The following MLH3 variants were observed in gnomAD, a reference collection of about 807,000 sequenced individuals.
MLH3 encodes mutL homolog 3.
MLH3 carries 82 observed loss-of-function variants against 122.2 expected under a neutral mutation model. The observed-to-expected ratio is 0.67, with a 90% CI of 0.56 to 0.81. The LOEUF (loss-of-function observed/expected upper bound fraction) is 0.81. MLH3 is among the 30% of genes least tolerant of loss of function. The probability of loss-of-function intolerance (pLI) is 0.00; values close to 1 mark genes in which losing one functional copy is unlikely to be tolerated. For missense variants in MLH3, 1,539 were observed against 1,714.5 expected, an observed-to-expected ratio of 0.90 and a Z score of 1.81; for synonymous variants, 524 against 599.5, an observed-to-expected ratio of 0.87 and a Z score of 1.84.
chr14:75,029,982 T>C (rs1330161536), intron 9 of MLH3, among the ~76,000 whole-genome samples: 2 of 114,276 alleles, frequency 1.8e-5, no homozygotes, highest in Non-Finnish European at 3.8e-5. Flanking sequence ...CCCCCATCTC[T>C]ACAAAAAAAA....
chr14:75,048,448 A>C lies in MLH3; in HGVS notation c.1208T>G (p.Met403Arg). 6.2e-7 allele frequency: 1 copy of C among 1,609,426 alleles called. No individual in the cohort carries two copies. Among genetic ancestry groups the C allele is most frequent in the Non-Finnish European group, 8.5e-7 (1 of 1,178,796 alleles). Reference sequence around the variant, plus strand: ...CACAGCTTTTGACTGCAAATTAAACATCTCATAGGAATCTAAAATATTATT... The same window carrying C: ...CACAGCTTTTGACTGCAAATTAAACCTCTCATAGGAATCTAAAATATTATT... ...ACNNILDSYE[M>R]FNLQSKAVKR... The change falls in exon 2 of 13, where the codon ATG (methionine) becomes AGG (arginine). Residue 403 changes from methionine to arginine, a missense_variant. Met to Arg is a moderately conservative substitution (Grantham distance 91). Transcript: ENST00000355774.
chr14:75,039,461 C>A (rs1891658931), intron 5 of MLH3, among the ~76,000 whole-genome samples: 1 of 152,130 alleles, frequency 6.6e-6, no homozygotes, highest in South Asian at 2.1e-4. Context: ...TGTGAAATGA[C>A]TTCTCAATAT....
In MLH3 at chr14:75,015,824, G is replaced by A. The variant is rs1387049465; in HGVS notation, c.*1258C>T. On this transcript the variant is annotated 3_prime_UTR_variant, in exon 13 of 13. Coordinates refer to ENST00000355774, the MANE Select transcript of MLH3 (RefSeq NM_001040108.2). Reference sequence around the variant, plus strand: ...CTGTAAGATTCACTTCAAGGCTGCTGGCAAAGGAACTTTTCTTCCATGAGC... The same window carrying A: ...CTGTAAGATTCACTTCAAGGCTGCTAGCAAAGGAACTTTTCTTCCATGAGC... The A allele has an allele frequency of 4.5e-6, 1 of 223,858 alleles. No individual in the cohort carries two copies. Among genetic ancestry groups the A allele is most frequent in the Non-Finnish European group, 8.9e-6 (1 of 112,194 alleles). 13.9% of individuals were successfully genotyped at this position (223,858 alleles called of 1,614,324 possible).
In MLH3 at chr14:75,015,483, A is replaced by T. The variant is rs1889837999; in HGVS notation, c.*1599T>A. On this transcript the variant is annotated 3_prime_UTR_variant, in exon 13 of 13. Coordinates refer to ENST00000355774, the MANE Select transcript of MLH3 (RefSeq NM_001040108.2). ...AAAAGATTTTTACAACTCCCAGGAC[A>T]GTTGGCCTCCATGCAGCCCTCAAGC... 1 of 182,046 alleles carries T rather than the reference A, an allele frequency of 5.5e-6. No individual in the cohort carries two copies. The highest frequency in any genetic ancestry group is 1.2e-5 in the Non-Finnish European group (1 of 85,498). 11.3% of individuals were successfully genotyped at this position (182,046 alleles called of 1,614,324 possible).
Position 75,051,457 on chromosome 14 carries a change from T to C in MLH3, c.-141A>G, listed in dbSNP as rs1448193400. The C allele has an allele frequency of 6.6e-6, 1 of 152,144 alleles. No individual in the cohort carries two copies. The highest frequency in any genetic ancestry group is 1.5e-5 in the Non-Finnish European group (1 of 68,010). The allele number at this position is 152,144 out of a possible 1,614,324, so 9.4% of individuals were successfully genotyped here. A position where few individuals can be genotyped will look rare whatever the true frequency, so the allele number is the denominator to read the frequency against. On this transcript the variant is annotated 5_prime_UTR_variant, in exon 1 of 13. Coordinates refer to ENST00000355774, the MANE Select transcript of MLH3 (RefSeq NM_001040108.2). ...CGCGCACCTTGGATCTTGAGGCTCG[T>C]GCGTGCCCACGAGCATGCGCTTCGG...
chr14:75,039,846 C>CATATATAT lies in MLH3; in HGVS notation c.3570+57_3570+64dup, dbSNP rs145063005. 5,455 of 318,888 alleles carry CATATATAT rather than the reference C, an allele frequency of 0.017. 254 individuals are homozygous for CATATATAT. Among genetic ancestry groups the CATATATAT allele is most frequent in the African/African-American group, 0.048 (1,331 of 27,832 alleles). The allele number at this position is 318,888 out of a possible 1,614,324, so 19.8% of individuals were successfully genotyped here. On this transcript the variant is annotated intron_variant, in intron 5 of 12. Coordinates refer to ENST00000355774, the MANE Select transcript of MLH3 (RefSeq NM_001040108.2). Reference sequence around the variant, plus strand: ...AAATCAAATTTTAGAAGAGTTAGGCCATATATATATATATATATATATATA... The same window carrying CATATATAT: ...AAATCAAATTTTAGAAGAGTTAGGCCATATATATATATATATATATATATATATATATA...
chr14:75,050,544 C>T (rs553541079), intron 1 of MLH3, among the ~76,000 whole-genome samples: 173 of 152,172 alleles, frequency 1.1e-3, no homozygotes, highest in African/African-American at 3.8e-3. Flanking sequence ...GGATTACAGG[C>T]GCTCGCCACC....
At chr14:75,039,310 C>A (rs1891645456) in intron 5 of MLH3, among the ~76,000 whole-genome samples, 1 of 152,114 alleles carries the variant, frequency 6.6e-6, no homozygotes, top group African/African-American at 2.4e-5. Flanking sequence ...TGCTCTGGTA[C>A]CAGGTCAATG....
In MLH3 at chr14:75,046,479, G is replaced by T; in HGVS notation, c.3177C>A (p.Asn1059Lys). The T allele has an allele frequency of 1.9e-6, 3 of 1,614,200 alleles. No individual in the cohort carries two copies. Among genetic ancestry groups the T allele is most frequent in the Non-Finnish European group, 2.5e-6 (3 of 1,180,026 alleles). ...TGAATGTGCTGAGTCCAGTCATTTT[G>T]TTGACATAAACCATTCTTCCCAGGG... ...DVALGRMVYV[N>K]KMTGLSTFIA... Residue 1059 changes from asparagine to lysine, a missense_variant, in exon 2 of 13, where the codon AAC becomes AAA. Physicochemically the swap from Asn to Lys is moderately conservative, Grantham distance 94. Transcript: ENST00000355774.
At position 75,047,289 on chromosome 14, in the gene MLH3, G is replaced by A. The variant is rs752651453; in HGVS notation, c.2367C>T (p.Asp789=). The part of the protein sequence containing the change: ...TTNLSLQVEP[D]ILLKDKNRLE... The stretch of plus-strand genomic sequence containing the variant: ...AGCGGTTCTTGTCCTTCAGCAGAAT[G>A]TCAGGTTCAACTTGAAGACTGAGAT... The change falls in exon 2 of 13, where the codon GAC becomes GAT. Residue 789 remains aspartate (D), a synonymous_variant. Transcript: ENST00000355774. 6.2e-7 allele frequency: 1 copy of A among 1,613,938 alleles called. No homozygotes were observed. Among genetic ancestry groups the A allele is most frequent in the South Asian group, 1.1e-5 (1 of 91,076 alleles).
intron 4 of MLH3, among the ~76,000 whole-genome samples, chr14:75,040,650 T>G (rs929225323): frequency 4.6e-5 from 7 of 152,134 alleles, no homozygotes; most frequent in Non-Finnish European, 8.8e-5. Context: ...AATGCTCATC[T>G]ATTATACACC....
chr14:75,042,089 C>T (rs1252789608), intron 3 of MLH3, among the ~76,000 whole-genome samples: 1 of 152,192 alleles, frequency 6.6e-6, no homozygotes, highest in Non-Finnish European at 1.5e-5. Flanking sequence ...ACTACAGCAA[C>T]TTGGAGTGCA....
chr14:75,040,015 C>T lies in MLH3; in HGVS notation c.3466G>A (p.Val1156Ile), dbSNP rs184741686. ...DNPVFARYPE[V>I]AVDVSSGQAE... ...TGGCCACTGCTTACATCAACAGCAA[C>T]CTAGAAAGACTCAGCAAAATATAAT... Residue 1156 changes from valine (V) to isoleucine (I), a missense_variant and splice_region_variant, in exon 5 of 13, where the codon GTT becomes ATT. Coordinates refer to ENST00000355774, the MANE Select transcript of MLH3 (RefSeq NM_001040108.2). 5.8e-5 allele frequency: 88 copies of T among 1,527,244 alleles called. No homozygotes were observed. The highest frequency in any genetic ancestry group is 6.4e-5 in the Non-Finnish European group (71 of 1,103,712). The allele number at this position is 1,527,244 out of a possible 1,614,324, so 94.6% of individuals were successfully genotyped here. A position where few individuals can be genotyped will look rare whatever the true frequency, so the allele number is the denominator to read the frequency against.
Position 75,014,165 on chromosome 14 carries a change from AG to A in MLH3, c.*2916del, listed in dbSNP as rs1889783358. 5.8e-6 allele frequency: 1 copy of A among 172,894 alleles called. No homozygotes were observed. Among genetic ancestry groups the A allele is most frequent in the Non-Finnish European group, 1.2e-5 (1 of 80,094 alleles). 10.7% of individuals were successfully genotyped at this position (172,894 alleles called of 1,614,324 possible). Reference sequence around the variant, plus strand: ...TGTCCTTACTTGGCGTGGCTTCCTCAGCCCCCTCCACATCTCAAGAACGTGG... The same window carrying A: ...TGTCCTTACTTGGCGTGGCTTCCTCACCCCCTCCACATCTCAAGAACGTGG... On this transcript the variant is annotated 3_prime_UTR_variant, in exon 13 of 13. Transcript: ENST00000355774.
chr14:75,039,604 A>C (rs1891666037), intron 5 of MLH3, among the ~76,000 whole-genome samples: 1 of 151,974 alleles, frequency 6.6e-6, no homozygotes, highest in Admixed American at 6.6e-5. Context: ...TCAATATATA[A>C]TCTTCTGCAG....
chr14:75,030,656 GA>G lies in MLH3; in HGVS notation c.3873del (p.Pro1292GlnfsTer32). ...NLEDLGLEFV[F>X]PDTSDSLVLV... is the part of the protein sequence containing the mutation. ...AGGACCAGAGAATCACTAGTGTCTG[GA>G]AATACAAATTCAAGGCCCAGATCTT... On this transcript the variant is annotated frameshift_variant, in exon 9 of 13. Transcript: ENST00000355774. LOFTEE classifies it high-confidence loss of function. 6.2e-7 allele frequency: 1 copy of G among 1,613,802 alleles called. No homozygotes were observed.
At position 75,047,747 on chromosome 14, in the gene MLH3, G is replaced by A. The variant is rs770613420; in HGVS notation, c.1909C>T (p.Arg637Cys). 8 of 1,613,976 alleles carry A rather than the reference G, an allele frequency of 5.0e-6. No homozygotes were observed. The highest frequency in any genetic ancestry group is 4.0e-5 in the African/African-American group (3 of 74,904). The change falls in exon 2 of 13, where the codon CGT becomes TGT. Residue 637 changes from arginine to cysteine, a missense_variant. Transcript: ENST00000355774. ...FKNYVRPGPTRAQETFGNRTR... is the reference protein window; with the variant it reads ...FKNYVRPGPTCAQETFGNRTR... ...CTATTTCCAAATGTTTCTTGGGCAC[G>A]TGTGGGACCAGGTCTAACATAATTT...
chr14:75,029,147 AAAGAAAGAAAGAAAG>A (rs1890869153), intron 9 of MLH3, among the ~76,000 whole-genome samples: 1 of 107,812 alleles, frequency 9.3e-6, no homozygotes, highest in Non-Finnish European at 1.8e-5. Context: ...AAAAAAAAAA[AAAGAAAGAAAGAAAG>A]AAAGAAAGAA....
At chr14:75,051,347 C>T (rs1044189528) in intron 1 of MLH3, 33 bp downstream of exon 1, 2 of 152,280 alleles carry the variant, frequency 1.3e-5, no homozygotes, top group African/African-American at 4.8e-5. Context: ...ACCCCGGCAT[C>T]ATCTTTTCGT....
Sources: allele counts gnomAD v4.1 joint callset (sites outside exome capture counted in the v4.1 genomes callset), GRCh38; gene constraint gnomAD v4.1.1; transcripts MANE v1.5; gene names NCBI Gene and HGNC (gene_info 2026-07-23, HGNC 2026-07-21).